TMEM131: variants seen among roughly 807,000 people sequenced by gnomAD.
TMEM131 encodes transmembrane protein 131.
TMEM131 carries 66 observed loss-of-function variants against 211.6 expected under a neutral mutation model. That is an observed-to-expected ratio of 0.31 (90% CI 0.26 to 0.38). The LOEUF is 0.38. Ranked by LOEUF, TMEM131 falls within the 10% of genes least tolerant of loss-of-function variation. The pLI is 1.00. For missense variants in TMEM131, 2,036 were observed against 2,299.3 expected (o/e 0.89, Z 2.34); for synonymous variants, 844 against 841.3 (o/e 1.00, Z -0.06).
intron 15 of TMEM131, among the ~76,000 whole-genome samples, chr2:97,813,288 G>A (rs972318034): frequency 1.3e-5 from 2 of 152,138 alleles, no homozygotes; most frequent in East Asian, 1.9e-4. Flanking sequence ...AAGCAGGAGC[G>A]AGACATTACT....
At chr2:97,975,754 C>A (rs1476474626) in intron 1 of TMEM131, among the ~76,000 whole-genome samples, 1 of 149,784 alleles carries the variant, frequency 6.7e-6, no homozygotes, top group Non-Finnish European at 1.5e-5. Context: ...AAAAACACAT[C>A]TCAACTGATT....
intron 40 of TMEM131, among the ~76,000 whole-genome samples, chr2:97,758,326 A>C (rs149945065): frequency 6.6e-6 from 1 of 152,366 alleles, no homozygotes; most frequent in African/African-American, 2.4e-5. Context: ...TTTTTCTGTC[A>C]TAATTTTGTG....
intron 31 of TMEM131, among the ~76,000 whole-genome samples, chr2:97,790,157 G>A (rs1318776950): frequency 6.6e-6 from 1 of 152,174 alleles, no homozygotes; most frequent in Non-Finnish European, 1.5e-5. Context: ...TGTGGGGGTA[G>A]GCTTTTGAAA....
intron 39 of TMEM131, 95 bp downstream of exon 39, chr2:97,759,557 T>A: frequency 9.2e-7 from 1 of 1,082,712 alleles, no homozygotes; most frequent in Non-Finnish European, 1.4e-6. Context: ...TCCACAGTGC[T>A]GCTGTGCTGT....
At chr2:97,964,714 C>G (rs1678968988) in intron 1 of TMEM131, among the ~76,000 whole-genome samples, 1 of 152,190 alleles carries the variant, frequency 6.6e-6, no homozygotes, top group Non-Finnish European at 1.5e-5. Flanking sequence ...TTTCTACATC[C>G]TGACACTGTA....
intron 3 of TMEM131, among the ~76,000 whole-genome samples, chr2:97,898,015 T>C (rs1675688389): frequency 6.6e-6 from 1 of 152,180 alleles, no homozygotes; most frequent in South Asian, 2.1e-4. Context: ...ATAATTTCTC[T>C]TATTCTTTGA....
intron 33 of TMEM131, 127 bp downstream of exon 33, chr2:97,772,170 C>T: frequency 9.3e-7 from 1 of 1,078,178 alleles, no homozygotes. Flanking sequence ...TGACGTAGCA[C>T]CTGGATTTTG....
chr2:97,920,994 T>C (rs1676718017), intron 2 of TMEM131, among the ~76,000 whole-genome samples: 1 of 151,822 alleles, frequency 6.6e-6, no homozygotes. Context: ...TGTGTGTGTG[T>C]GTGTGTGTGT....
intron 1 of TMEM131, among the ~76,000 whole-genome samples, chr2:97,985,925 T>C (rs1680007313): frequency 6.7e-6 from 1 of 150,186 alleles, no homozygotes; most frequent in Non-Finnish European, 1.5e-5. Flanking sequence ...GGTGTTAAGG[T>C]ATCAGAAAGG....
At chr2:97,802,279 C>T in intron 24 of TMEM131, 149 bp downstream of exon 24, 1 of 674,928 alleles carries the variant, frequency 1.5e-6, no homozygotes, top group Non-Finnish European at 2.4e-6. Flanking sequence ...CAACCTAAAC[C>T]TCCCTAAAAC....
chr2:97,935,442 T>C (rs1040824458), intron 1 of TMEM131, among the ~76,000 whole-genome samples: 1 of 152,184 alleles, frequency 6.6e-6, no homozygotes, highest in Admixed American at 6.5e-5. Context: ...AAAAATGAAA[T>C]AGCTAATGAT....
At chr2:97,924,289 G>A (rs942946195) in intron 2 of TMEM131, among the ~76,000 whole-genome samples, 3 of 152,182 alleles carry the variant, frequency 2.0e-5, no homozygotes, top group South Asian at 2.1e-4. Context: ...AGTCTGAGGC[G>A]AGAGGTTCAC....
chr2:97,915,213 T>C (rs1458325984), intron 2 of TMEM131, among the ~76,000 whole-genome samples: 3 of 152,266 alleles, frequency 2.0e-5, no homozygotes, highest in Non-Finnish European at 2.9e-5. Flanking sequence ...CGAGAGTTCT[T>C]TCTATATTCC....
chr2:97,957,305 A>G (rs1573614684), intron 1 of TMEM131, among the ~76,000 whole-genome samples: 1 of 152,220 alleles, frequency 6.6e-6, no homozygotes, highest in East Asian at 1.9e-4. Context: ...AATGATTTAC[A>G]TAAACTAAAT....
intron 1 of TMEM131, among the ~76,000 whole-genome samples, chr2:97,951,291 G>A (rs1324743775): frequency 6.6e-6 from 1 of 152,324 alleles, no homozygotes; most frequent in Middle Eastern, 3.4e-3. Context: ...ATGGTAATAT[G>A]TGTCTGCTTC....
intron 4 of TMEM131, among the ~76,000 whole-genome samples, chr2:97,875,781 G>A (rs1378029636): frequency 2.0e-5 from 3 of 152,066 alleles, no homozygotes; most frequent in African/African-American, 4.8e-5. Flanking sequence ...ATCTAAAATC[G>A]AAAACATAAC....
chr2:97,797,562 G>A (rs1680826755), intron 25 of TMEM131, 46 bp from the exon 26 acceptor site: 2 of 1,528,094 alleles, frequency 1.3e-6, no homozygotes, highest in East Asian at 2.3e-5. Flanking sequence ...TATATTCTCT[G>A]GAAGAATGTT....
chr2:97,863,184 A>G (rs908803643), intron 4 of TMEM131, among the ~76,000 whole-genome samples: 1 of 152,212 alleles, frequency 6.6e-6, no homozygotes, highest in African/African-American at 2.4e-5. Context: ...AATATCCTTC[A>G]AATATGAAAG....
chr2:97,869,492 G>A (rs551055180), intron 4 of TMEM131, among the ~76,000 whole-genome samples: 40 of 152,364 alleles, frequency 2.6e-4, no homozygotes, highest in East Asian at 1.4e-3. Context: ...GAGGAGATGA[G>A]TCATCTACTT....
Sources: gnomAD v4.1 joint callset for allele counts (sites outside exome capture counted in the v4.1 genomes callset) on GRCh38, gnomAD v4.1.1 for gene constraint, MANE v1.5 for transcripts, NCBI Gene and HGNC (gene_info 2026-07-23, HGNC 2026-07-21) for gene names.